Variants in AGBL4 observed in about 807,000 individuals in gnomAD.
AGBL4 encodes AGBL carboxypeptidase 4, also known as cytosolic carboxypeptidase 6.
AGBL4 carries 58 observed loss-of-function variants against 66.4 expected under a neutral mutation model. The ratio of observed to expected loss-of-function variants is 0.87; its 90% CI spans 0.71 to 1.09. AGBL4 has a LOEUF of 1.09. AGBL4 is among the 50% of genes least tolerant of loss of function. AGBL4 has a pLI of 0.00. For synonymous variants in AGBL4, 234 were observed against 222.9 expected (o/e 1.05, Z -0.44); for missense variants, 579 against 631.0 (o/e 0.92, Z 0.88).
intron 4 of AGBL4, among the ~76,000 whole-genome samples, chr1:49,054,469 A>G (rs1482300823): frequency 2.0e-5 from 3 of 152,016 alleles, no homozygotes; most frequent in Non-Finnish European, 4.4e-5. Context: ...AAAACAATGT[A>G]CTTGTTAAAT....
Position 49,849,506 on chromosome 1 carries a change from C to CACAT in AGBL4, c.157+1886_157+1889dup, listed in dbSNP as rs1553133769. ...ACACACACACACACACACACACACA[C>CACAT]ACATACATACATTAAGATGGATAGT... On this transcript the variant is annotated intron_variant, in intron 2 of 13. Coordinates refer to ENST00000371839, the MANE Select transcript of AGBL4 (RefSeq NM_032785.4). Among the ~76,000 whole-genome samples the CACAT allele has an allele frequency of 1.0e-3, 149 of 144,878 alleles. 8 individuals are homozygous for CACAT. The highest frequency in any genetic ancestry group is 4.9e-3 in the South Asian group (23 of 4,648).
At chr1:50,018,983 G>A (rs1362817498) in intron 1 of AGBL4, among the ~76,000 whole-genome samples, 1 of 151,880 alleles carries the variant, frequency 6.6e-6, no homozygotes, top group Non-Finnish European at 1.5e-5. Flanking sequence ...AAATTAATTT[G>A]ATAGCAAAAT....
At chr1:49,332,648 T>A (rs241466) in intron 3 of AGBL4, among the ~76,000 whole-genome samples, 105,125 of 152,086 alleles carry the variant, frequency 0.69, 37,169 homozygotes, top group African/African-American at 0.8. Context: ...AAACCCAATG[T>A]TATAAGTGAA....
At chr1:48,697,872 G>A (rs1646737905) in intron 6 of AGBL4, among the ~76,000 whole-genome samples, 1 of 152,176 alleles carries the variant, frequency 6.6e-6, no homozygotes, top group South Asian at 2.1e-4. Context: ...GTGGTTTATG[G>A]AAAAGGTGGC....
At chr1:48,902,945 T>C (rs1652226724) in intron 5 of AGBL4, among the ~76,000 whole-genome samples, 1 of 152,208 alleles carries the variant, frequency 6.6e-6, no homozygotes, top group African/African-American at 2.4e-5. Flanking sequence ...TCTGCAGTCC[T>C]CTGGCTCTGC....
rs565355217 is a variant in AGBL4, at chr1:49,743,864, T to C, written c.158-46427A>G. Among the ~76,000 whole-genome samples the C allele has an allele frequency of 3.8e-3, 481 of 127,130 alleles. 5 individuals are homozygous for C. Among genetic ancestry groups the C allele is most frequent in the African/African-American group, 0.014 (464 of 32,390 alleles). 83.4% of individuals were successfully genotyped at this position (127,130 alleles called of 152,430 possible). A position where few individuals can be genotyped will look rare whatever the true frequency, so the allele number is the denominator to read the frequency against. ...GTAGGAACTGAACAATGAGAACACATGGACACAGGAAGGGGAACATCACAC... is the reference window on the plus strand; with the variant it reads ...GTAGGAACTGAACAATGAGAACACACGGACACAGGAAGGGGAACATCACAC... On this transcript the variant is annotated intron_variant, in intron 2 of 13. Coordinates refer to ENST00000371839, the MANE Select transcript of AGBL4 (RefSeq NM_032785.4).
chr1:49,568,543 G>A (rs879647657), intron 3 of AGBL4, among the ~76,000 whole-genome samples: 9 of 137,732 alleles, frequency 6.5e-5, no homozygotes, highest in Non-Finnish European at 1.3e-4. Context: ...CTCATGGAAA[G>A]GAAGAATCAA....
intron 9 of AGBL4, among the ~76,000 whole-genome samples, chr1:48,624,119 G>A (rs1645460266): frequency 6.6e-6 from 1 of 152,226 alleles, no homozygotes; most frequent in South Asian, 2.1e-4. Flanking sequence ...TTCTATGTGG[G>A]TGGATTCCAA....
chr1:49,468,547 T>C (rs1291054796), intron 3 of AGBL4, among the ~76,000 whole-genome samples: 1 of 151,908 alleles, frequency 6.6e-6, no homozygotes, highest in Admixed American at 6.6e-5. Flanking sequence ...CCAGCTCTTA[T>C]GGATTATCCC....
chr1:49,518,598 A>G (rs948571325), intron 3 of AGBL4, among the ~76,000 whole-genome samples: 13 of 151,986 alleles, frequency 8.6e-5, no homozygotes, highest in African/African-American at 3.1e-4. Flanking sequence ...TCACCTCTCT[A>G]TCCTTGGTTT....
chr1:48,917,518 A>AT (rs1653691845), intron 5 of AGBL4, among the ~76,000 whole-genome samples: 1 of 152,198 alleles, frequency 6.6e-6, no homozygotes, highest in Non-Finnish European at 1.5e-5. Context: ...AAATCTCACA[A>AT]AACTCCCATG....
rs573768138 is a variant in AGBL4 at position 48,976,952 on chromosome 1, T to C, written c.594+68632A>G. 2.6e-4 allele frequency among the ~76,000 whole-genome samples: 40 copies of C among 152,292 alleles called. No homozygotes were observed. In the South Asian group the frequency reaches 7.3e-3, roughly 28 times the overall value. ...TATATTTCACTTATTAATATTTTTATTGTCTCCCCATTAGAAAGTATCCCT... is the reference window on the plus strand; with the variant it reads ...TATATTTCACTTATTAATATTTTTACTGTCTCCCCATTAGAAAGTATCCCT... On this transcript the variant is annotated intron_variant, in intron 5 of 13. Transcript: ENST00000371839.
intron 5 of AGBL4, among the ~76,000 whole-genome samples, chr1:48,948,173 T>C (rs1456356480): frequency 6.6e-6 from 1 of 152,224 alleles, no homozygotes; most frequent in Non-Finnish European, 1.5e-5. Context: ...AAAAGACTTG[T>C]TTAAGGCACA....
intron 1 of AGBL4, among the ~76,000 whole-genome samples, chr1:49,872,550 T>C (rs943568940): frequency 6.6e-6 from 1 of 152,120 alleles, no homozygotes; most frequent in African/African-American, 2.4e-5. Flanking sequence ...GCAAGTTTTC[T>C]TGGGACCTCA....
At chr1:48,881,718 A>G (rs11205566) in intron 5 of AGBL4, among the ~76,000 whole-genome samples, 73,173 of 151,898 alleles carry the variant, frequency 0.48, 20,839 homozygotes, top group Non-Finnish European at 0.65. Context: ...CACTTCTCAC[A>G]AGGCATGACA....
intron 5 of AGBL4, among the ~76,000 whole-genome samples, chr1:49,035,977 G>C (rs1664617859): frequency 6.6e-6 from 1 of 151,964 alleles, no homozygotes; most frequent in African/African-American, 2.4e-5. Context: ...TGGGAGGAGG[G>C]AGTGGGGCAA....
intron 6 of AGBL4, among the ~76,000 whole-genome samples, chr1:48,698,445 C>T (rs1439279096): frequency 6.6e-6 from 1 of 152,182 alleles, no homozygotes; most frequent in East Asian, 1.9e-4. Flanking sequence ...AGGAAACTGC[C>T]AAGGCCACCT....
At chr1:49,847,954 G>A (rs567949945) in intron 2 of AGBL4, among the ~76,000 whole-genome samples, 1 of 152,302 alleles carries the variant, frequency 6.6e-6, no homozygotes, top group Admixed American at 6.5e-5. Flanking sequence ...GCCCGCCTGG[G>A]CCTCCCAAAT....
At chr1:48,987,500 GAGCTTGAAGATACATAA>G (rs1455232352) in intron 5 of AGBL4, among the ~76,000 whole-genome samples, 5 of 151,956 alleles carry the variant, frequency 3.3e-5, no homozygotes, top group Admixed American at 6.6e-5. Context: ...TCTAATACCA[GAGCTTGAAGATACATAA>G]AGCAAAAATT....
Sources: allele counts gnomAD v4.1 joint callset (sites outside exome capture counted in the v4.1 genomes callset), GRCh38; gene constraint gnomAD v4.1.1; transcripts MANE v1.5; gene names NCBI Gene and HGNC (gene_info 2026-07-23, HGNC 2026-07-21).